The following GFPT2 variants were observed in gnomAD, a reference collection of about 807,000 sequenced individuals.
GFPT2 encodes glutamine--fructose-6-phosphate transaminase 2.
A neutral mutation model predicts 85.6 loss-of-function variants in GFPT2; 62 were observed. The observed-to-expected ratio is 0.72, with a 90% confidence interval of 0.59 to 0.90. The LOEUF is 0.90. Ranked by LOEUF, GFPT2 falls within the 40% of genes least tolerant of loss-of-function variation. The probability of loss-of-function intolerance (pLI) is 0.00; values close to 1 mark genes in which losing one functional copy is unlikely to be tolerated. For missense variants in GFPT2, 788 were observed against 893.4 expected, an observed-to-expected ratio of 0.88 and a Z score of 1.50; for synonymous variants, 368 against 344.5, an observed-to-expected ratio of 1.07 and a Z score of -0.75.
At position 180,328,381 on chromosome 5, in the gene GFPT2, C is replaced by T. The variant is rs758157763; in HGVS notation, c.535-43G>A. 6.6e-6 allele frequency: 10 copies of T among 1,504,000 alleles called. No homozygotes were observed. The highest frequency in any genetic ancestry group is 4.2e-4 in the Middle Eastern group (2 of 4,732). 93.2% of individuals were successfully genotyped at this position (1,504,000 alleles called of 1,614,324 possible). A position where few individuals can be genotyped will look rare whatever the true frequency, so the allele number is the denominator to read the frequency against. On this transcript the variant is annotated intron_variant, in intron 6 of 18. Coordinates refer to ENST00000253778, the MANE Select transcript of GFPT2 (RefSeq NM_005110.4). This position sits in a 1 kb window ranked among gnomAD's most constrained non-coding sequence, Gnocchi z 5.4. ...GTGAGGGTCAACGCGTTCCAGCAGC[C>T]GCTGCTGCAGCCTGGCCACAGCCCA...
Position 180,318,517 on chromosome 5 carries a change from G to A in GFPT2, c.958+276C>T, listed in dbSNP as rs768917628. ...GCCTGAGGGTGGGCATGTGTCCCGC[G>A]GAGTCGGTGAAGGAAGGCAGCTGAC... On this transcript the variant is annotated intron_variant, in intron 10 of 18. Transcript: ENST00000253778. This position sits in a 1 kb window ranked among gnomAD's most constrained non-coding sequence, Gnocchi z 4.2. The A allele has an allele frequency of 9.1e-6, 4 of 438,330 alleles. No homozygotes were observed. Among genetic ancestry groups the A allele is most frequent in the South Asian group, 5.9e-5 (2 of 33,940 alleles). 27.2% of individuals were successfully genotyped at this position (438,330 alleles called of 1,614,324 possible). A position where few individuals can be genotyped will look rare whatever the true frequency, so the allele number is the denominator to read the frequency against.
chr5:180,321,543 G>A (rs1764120277), intron 9 of GFPT2, among the ~76,000 whole-genome samples: 1 of 152,192 alleles, frequency 6.6e-6, no homozygotes, highest in South Asian at 2.1e-4. Context: ...TTCCCCAGAG[G>A]TCTGTCATGA....
chr5:180,331,101 C>A (rs1441809595), intron 5 of GFPT2, among the ~76,000 whole-genome samples: 1 of 152,196 alleles, frequency 6.6e-6, no homozygotes, highest in East Asian at 1.9e-4. Context: ...TGATAAAATA[C>A]GTTGAGTCAA....
intron 16 of GFPT2, among the ~76,000 whole-genome samples, chr5:180,305,685 G>T (rs985431872): frequency 9.2e-5 from 14 of 152,166 alleles, no homozygotes; most frequent in Non-Finnish European, 1.8e-4. Context: ...TCATGCGGAG[G>T]CATAGCTGCA....
chr5:180,321,598 C>T (rs1229630038), intron 9 of GFPT2, among the ~76,000 whole-genome samples: 1 of 152,254 alleles, frequency 6.6e-6, no homozygotes, highest in African/African-American at 2.4e-5. Context: ...GTGCCCCGCA[C>T]ACACTGGCCA....
At chr5:180,309,031 A>G (rs1307800986) in intron 15 of GFPT2, among the ~76,000 whole-genome samples, 2 of 152,050 alleles carry the variant, frequency 1.3e-5, no homozygotes, top group East Asian at 3.9e-4. Flanking sequence ...CACTGCACCC[A>G]GCTAAATTTT....
chr5:180,302,491 G>A lies in GFPT2; in HGVS notation c.1936C>T (p.Gln646Ter), dbSNP rs1422498895. 6.2e-7 allele frequency: 1 copy of A among 1,614,066 alleles called. No individual in the cohort carries two copies. The highest frequency in any genetic ancestry group is 1.1e-5 in the South Asian group (1 of 91,086). ...IELPHTVDCL[Q>*]GILSVIPLQL... Reference sequence around the variant, plus strand: ...AGCGGAATCACGCTCAGGATGCCCTGGAGGCAGTCCACAGTGTGGGGCAGC... The same window carrying A: ...AGCGGAATCACGCTCAGGATGCCCTAGAGGCAGTCCACAGTGTGGGGCAGC... The change falls in exon 18 of 19, where the codon CAG becomes TAG. Residue 646 changes from glutamine (Q) to a stop codon, truncating the protein, a stop_gained. Coordinates refer to ENST00000253778, the MANE Select transcript of GFPT2 (RefSeq NM_005110.4). LOFTEE classifies it high-confidence loss of function.
chr5:180,320,237 C>T (rs1264846976), intron 9 of GFPT2, among the ~76,000 whole-genome samples: 1 of 152,068 alleles, frequency 6.6e-6, no homozygotes, highest in Non-Finnish European at 1.5e-5. Flanking sequence ...CGTGATCCGC[C>T]CGCCTCGGCC....
Position 180,307,288 on chromosome 5 carries a change from A to G in GFPT2, c.1562T>C (p.Val521Ala). ...LRSLPELIKE[V>A]LSLEEKIHDL... The stretch of plus-strand genomic sequence containing the variant: ...GTGGATCTTCTCCTCCAGAGACAGC[A>G]CTTCCTTGATCAGCTCTGGGCCATG... Residue 521 changes from valine to alanine, a missense_variant, in exon 16 of 19, where the codon GTG (valine) becomes GCG (alanine). Transcript: ENST00000253778. 3 of 1,613,972 alleles carry G rather than the reference A, an allele frequency of 1.9e-6. No homozygotes were observed. Among genetic ancestry groups the G allele is most frequent in the Non-Finnish European group, 2.5e-6 (3 of 1,179,874 alleles).
chr5:180,341,599 G>A (rs35605149), intron 1 of GFPT2, among the ~76,000 whole-genome samples: 12,487 of 152,214 alleles, frequency 0.082, 618 homozygotes, highest in Middle Eastern at 0.15. Flanking sequence ...GTATTAAGGT[G>A]GGGGATTTAT....
chr5:180,335,707 G>C, intron 4 of GFPT2, 121 bp downstream of exon 4: 1 of 1,050,600 alleles, frequency 9.5e-7, no homozygotes, highest in South Asian at 1.5e-5. Flanking sequence ...ATTCTCTTGG[G>C]AAGATGAAGT....
At chr5:180,353,330 TCCAGCTC>T in exon 1 of GFPT2, 2 of 721,602 alleles carry the variant, frequency 2.8e-6, no homozygotes, top group Non-Finnish European at 1.7e-6. Context: ...CTCCGCGGGC[TCCAGCTC>T]CCGTCCGCTC....
intron 1 of GFPT2, among the ~76,000 whole-genome samples, chr5:180,351,898 C>G (rs1764717680): frequency 6.6e-6 from 1 of 152,136 alleles, no homozygotes; most frequent in Non-Finnish European, 1.5e-5. Context: ...CAAGTCTGGC[C>G]CCAAGGCCAC....
At chr5:180,317,656 G>A (rs1239257582) in intron 10 of GFPT2, among the ~76,000 whole-genome samples, 1 of 135,594 alleles carries the variant, frequency 7.4e-6, no homozygotes, top group Non-Finnish European at 1.5e-5. Flanking sequence ...CTACTTGGGA[G>A]GCTGAGGCAG....
intron 1 of GFPT2, among the ~76,000 whole-genome samples, chr5:180,339,646 C>T (rs1246157245): frequency 6.6e-6 from 1 of 152,206 alleles, no homozygotes; most frequent in African/African-American, 2.4e-5. Flanking sequence ...GTGCATGCCC[C>T]ATCCTCATCC....
intron 15 of GFPT2, among the ~76,000 whole-genome samples, chr5:180,308,345 A>T (rs1258782613): frequency 6.6e-6 from 1 of 152,150 alleles, no homozygotes; most frequent in Non-Finnish European, 1.5e-5. Flanking sequence ...TAAATCTATT[A>T]CATTACTTCA....
chr5:180,335,714 A>T, intron 4 of GFPT2, 114 bp downstream of exon 4: 1 of 1,089,316 alleles, frequency 9.2e-7, no homozygotes, highest in Admixed American at 2.5e-5. Flanking sequence ...TGGGAAGATG[A>T]AGTAGGCTGA....
chr5:180,338,306 T>G (rs1308325920), intron 2 of GFPT2, among the ~76,000 whole-genome samples, 187 bp downstream of exon 2: 2 of 152,164 alleles, frequency 1.3e-5, no homozygotes, highest in African/African-American at 2.4e-5. Context: ...TTTTTACCCT[T>G]GCTTCTTCTA....
chr5:180,304,754 C>A lies in GFPT2; in HGVS notation c.1842+18G>T. Reference sequence around the variant, plus strand: ...AAAAGCAGGAGAGAGCTGGCCCAGTCCAGTGGAGAGCCCTCACCTGGCGGG... The same window carrying A: ...AAAAGCAGGAGAGAGCTGGCCCAGTACAGTGGAGAGCCCTCACCTGGCGGG... On this transcript the variant is annotated intron_variant, in intron 17 of 18. Coordinates refer to ENST00000253778, the MANE Select transcript of GFPT2 (RefSeq NM_005110.4). 6.2e-7 allele frequency: 1 copy of A among 1,606,842 alleles called. No individual in the cohort carries two copies. The highest frequency in any genetic ancestry group is 1.1e-5 in the South Asian group (1 of 90,644).
Sources: allele counts gnomAD v4.1 joint callset (sites outside exome capture counted in the v4.1 genomes callset), GRCh38; gene constraint gnomAD v4.1.1; non-coding constraint Gnocchi (gnomAD v3.1); transcripts MANE v1.5; gene names NCBI Gene and HGNC (gene_info 2026-07-23, HGNC 2026-07-21).